Variants in SEPTIN14 observed in about 807,000 individuals in gnomAD.
SEPTIN14 encodes septin 14.
Under a neutral mutation model 53.6 loss-of-function variants are expected in SEPTIN14, and 40 were observed. That is an observed-to-expected ratio of 0.75 (90% confidence interval 0.58 to 0.97). The LOEUF (loss-of-function observed/expected upper bound fraction) is 0.97. SEPTIN14 is among the 50% of genes least tolerant of loss of function. SEPTIN14 has a pLI of 0.00. For synonymous variants in SEPTIN14, 138 were observed against 166.8 expected (o/e 0.83, Z 1.33); for missense variants, 471 against 508.2 (o/e 0.93, Z 0.70).
At chr7:55,817,261 CA>C (rs1788808409) in intron 7 of SEPTIN14, among the ~76,000 whole-genome samples, 1 of 152,008 alleles carries the variant, frequency 6.6e-6, no homozygotes, top group African/African-American at 2.4e-5. Context: ...CACAGAAAGA[CA>C]AATGGTAAAT....
At chr7:55,851,218 A>G (rs1789510056) in intron 2 of SEPTIN14, among the ~76,000 whole-genome samples, 1 of 152,232 alleles carries the variant, frequency 6.6e-6, no homozygotes, top group African/African-American at 2.4e-5. Flanking sequence ...AAATTTTAAC[A>G]AATGTGTATA....
chr7:55,837,109 CTT>C (rs36026647), intron 5 of SEPTIN14, among the ~76,000 whole-genome samples: 15 of 140,942 alleles, frequency 1.1e-4, no homozygotes, highest in Admixed American at 1.4e-4. Context: ...TACTTTTAAC[CTT>C]TTTTTTTTTT....
chr7:55,795,881 T>G lies in SEPTIN14; in HGVS notation c.*32A>C, dbSNP rs760873133. 14 of 1,476,342 alleles carry G rather than the reference T, an allele frequency of 9.5e-6. No individual in the cohort carries two copies. In the African/African-American group the frequency reaches 1.9e-4, roughly 20 times the overall value. The allele number at this position is 1,476,342 out of a possible 1,614,324, so 91.5% of individuals were successfully genotyped here. Reference sequence around the variant, plus strand: ...TCTCACAGGAAGTTGCGATGTAGAATGATAGGGCTCTCAGAATAGTAAGAG... The same window carrying G: ...TCTCACAGGAAGTTGCGATGTAGAAGGATAGGGCTCTCAGAATAGTAAGAG... On this transcript the variant is annotated 3_prime_UTR_variant, in exon 10 of 10. Coordinates refer to ENST00000388975, the MANE Select transcript of SEPTIN14 (RefSeq NM_207366.3).
At chr7:55,835,283 A>C (rs531502261) in intron 5 of SEPTIN14, among the ~76,000 whole-genome samples, 1 of 151,796 alleles carries the variant, frequency 6.6e-6, no homozygotes, top group African/African-American at 2.4e-5. Flanking sequence ...GCTCACTGCA[A>C]GCTCCGCCTC....
At chr7:55,830,325 A>G (rs1349027458) in intron 6 of SEPTIN14, among the ~76,000 whole-genome samples, 5 of 58,570 alleles carry the variant, frequency 8.5e-5, no homozygotes, top group Non-Finnish European at 1.3e-4. Context: ...CCAACTGTAT[A>G]TATATATATA....
chr7:55,843,200 A>G, intron 4 of SEPTIN14, 72 bp from the exon 5 acceptor site: 1 of 866,990 alleles, frequency 1.2e-6, no homozygotes, highest in South Asian at 1.9e-5. Context: ...CCACTTAATG[A>G]GCAGTTAACA....
rs1377958023 is a variant in SEPTIN14, at chr7:55,842,944, T to C, written c.556A>G (p.Lys186Glu). The change falls in exon 5 of 10, where the codon AAG (lysine) becomes GAG (glutamate). Residue 186 changes from lysine to glutamate, a missense_variant and splice_region_variant. By Grantham distance (56) the Lys-to-Glu change is moderately conservative (BLOSUM62 1). Transcript: ENST00000388975. ...GATGGTAGATTTACCAAACATACCTTACTGTCAAGGTTCTTCATTGTTAAT... is the reference window on the plus strand; with the variant it reads ...GATGGTAGATTTACCAAACATACCTCACTGTCAAGGTTCTTCATTGTTAAT... ...DLLTMKNLDS[K>E]VNIIPLIAKA... is the part of the protein sequence containing the mutation. 1 of 1,500,156 alleles carries C rather than the reference T, an allele frequency of 6.7e-7. No individual in the cohort carries two copies. Among genetic ancestry groups the C allele is most frequent in the African/African-American group, 1.4e-5 (1 of 70,130 alleles). 92.9% of individuals were successfully genotyped at this position (1,500,156 alleles called of 1,614,324 possible).
intron 7 of SEPTIN14, among the ~76,000 whole-genome samples, chr7:55,811,638 A>T (rs1314960631): frequency 6.7e-6 from 1 of 149,298 alleles, no homozygotes; most frequent in African/African-American, 2.5e-5. Flanking sequence ...GGTAGCTGAG[A>T]CTATAGGCAT....
intron 2 of SEPTIN14, among the ~76,000 whole-genome samples, chr7:55,860,286 C>G (rs533750157): frequency 4.1e-4 from 63 of 151,958 alleles, no homozygotes; most frequent in Non-Finnish European, 8.5e-4. Context: ...GTAAGTCAGA[C>G]ACAGAAAGAC....
chr7:55,851,416 T>G (rs1382325970), intron 2 of SEPTIN14, among the ~76,000 whole-genome samples: 1 of 93,690 alleles, frequency 1.1e-5, no homozygotes, highest in African/African-American at 6.1e-5. Context: ...CTGCATGGAG[T>G]TTTTTTTTTT....
chr7:55,847,900 AG>A (rs1789440968), intron 2 of SEPTIN14, among the ~76,000 whole-genome samples: 1 of 151,982 alleles, frequency 6.6e-6, no homozygotes, highest in Non-Finnish European at 1.5e-5. Flanking sequence ...TTTATTTTTA[AG>A]TACTTCTATT....
At chr7:55,860,314 G>A (rs111472386) in intron 2 of SEPTIN14, among the ~76,000 whole-genome samples, 32 of 152,250 alleles carry the variant, frequency 2.1e-4, no homozygotes, top group African/African-American at 7.7e-4. Flanking sequence ...TCACTCATAT[G>A]CATCAGCTTA....
At position 55,794,954 on chromosome 7, in the gene SEPTIN14, T is replaced by C. The variant is rs1788404442; in HGVS notation, c.*959A>G. The C allele has an allele frequency of 6.6e-6, 1 of 152,016 alleles. No homozygotes were observed. The allele number at this position is 152,016 out of a possible 1,614,324, so 9.4% of individuals were successfully genotyped here. A position where few individuals can be genotyped will look rare whatever the true frequency, so the allele number is the denominator to read the frequency against. ...GTGTGAGCCACCACACCTGGCCTTA[T>C]TTTCTACAACTTTGATAACTTTGGC... On this transcript the variant is annotated 3_prime_UTR_variant, in exon 10 of 10. Coordinates refer to ENST00000388975, the MANE Select transcript of SEPTIN14 (RefSeq NM_207366.3).
intron 6 of SEPTIN14, among the ~76,000 whole-genome samples, 155 bp downstream of exon 6, chr7:55,834,270 A>G (rs1789163346): frequency 1.3e-5 from 2 of 152,234 alleles, no homozygotes; most frequent in Non-Finnish European, 2.9e-5. Context: ...TCCTTGAGGA[A>G]CATGCTGTAT....
intron 7 of SEPTIN14, among the ~76,000 whole-genome samples, chr7:55,816,545 C>G (rs1278576892): frequency 6.6e-6 from 1 of 151,748 alleles, no homozygotes; most frequent in African/African-American, 2.4e-5. Context: ...GCCTGTAATC[C>G]TAGCATTTTG....
intron 7 of SEPTIN14, among the ~76,000 whole-genome samples, chr7:55,811,661 C>T (rs1788709269): frequency 1.3e-5 from 2 of 148,340 alleles, no homozygotes; most frequent in African/African-American, 5.0e-5. Context: ...ACCACCACGC[C>T]TGGTTTTTCT....
At chr7:55,860,101 C>T (rs1789718084) in intron 2 of SEPTIN14, among the ~76,000 whole-genome samples, 1 of 143,220 alleles carries the variant, frequency 7.0e-6, no homozygotes, top group African/African-American at 2.5e-5. Flanking sequence ...ATCAATTGAA[C>T]CTGGGAGGCA....
chr7:55,813,151 T>C (rs895120898), intron 7 of SEPTIN14, among the ~76,000 whole-genome samples: 1 of 152,076 alleles, frequency 6.6e-6, no homozygotes, highest in African/African-American at 2.4e-5. Context: ...GGTTTCACCA[T>C]ATTGGTCAGG....
At chr7:55,800,699 G>A (rs1368080611) in intron 9 of SEPTIN14, among the ~76,000 whole-genome samples, 1 of 152,114 alleles carries the variant, frequency 6.6e-6, no homozygotes, top group Non-Finnish European at 1.5e-5. Flanking sequence ...GGTGGTAGGG[G>A]TGGGGGGAAG....
Sources: gnomAD v4.1 joint callset for allele counts (sites outside exome capture counted in the v4.1 genomes callset) on GRCh38, gnomAD v4.1.1 for gene constraint, MANE v1.5 for transcripts, NCBI Gene and HGNC (gene_info 2026-07-23, HGNC 2026-07-21) for gene names.